THSD4: variants seen among roughly 807,000 people sequenced by gnomAD.
THSD4 encodes the protein thrombospondin type-1 domain-containing protein 4.
THSD4 carries 69 observed loss-of-function variants against 119.0 expected under a neutral mutation model. The observed-to-expected ratio is 0.58, with a 90% CI of 0.48 to 0.71. The LOEUF (loss-of-function observed/expected upper bound fraction) is 0.71, where lower values mean the gene tolerates loss of function less well. Among genes scored for constraint, THSD4 ranks in the 30% least tolerant of loss-of-function variants. The pLI, the probability that THSD4 is intolerant of heterozygous loss-of-function variation, is 0.00. For synonymous variants in THSD4, 524 were observed against 540.4 expected (o/e 0.97, Z 0.42); for missense variants, 1,393 against 1,391.1 (o/e 1.00, Z -0.02).
At chr15:71,253,133 C>T (rs1281969872) in intron 5 of THSD4, among the ~76,000 whole-genome samples, 2 of 152,202 alleles carry the variant, frequency 1.3e-5, no homozygotes, top group African/African-American at 4.8e-5. Context: ...CTGGCAACTG[C>T]AGGTGGATCT....
intron 7 of THSD4, among the ~76,000 whole-genome samples, chr15:71,544,271 G>T (rs2048803918): frequency 6.6e-6 from 1 of 152,190 alleles, no homozygotes; most frequent in Non-Finnish European, 1.5e-5. Context: ...ACCGCTGTGT[G>T]ACATGGAGCA....
At chr15:71,182,914 T>A (rs1011155166) in intron 3 of THSD4, among the ~76,000 whole-genome samples, 1 of 151,846 alleles carries the variant, frequency 6.6e-6, no homozygotes, top group Non-Finnish European at 1.5e-5. Context: ...ATTCTCTTTG[T>A]ATTTTTTTAT....
chr15:71,295,308 G>C (rs1191233454), intron 6 of THSD4, among the ~76,000 whole-genome samples: 1 of 152,162 alleles, frequency 6.6e-6, no homozygotes, highest in Non-Finnish European at 1.5e-5. Context: ...GGCCAAGTTT[G>C]AACCCAGGCC....
intron 7 of THSD4, among the ~76,000 whole-genome samples, chr15:71,545,257 CAG>C (rs2048819222): frequency 6.6e-6 from 1 of 152,146 alleles, no homozygotes; most frequent in African/African-American, 2.4e-5. Flanking sequence ...TTTTGTGACA[CAG>C]GGGCCATTGG....
intron 7 of THSD4, among the ~76,000 whole-genome samples, chr15:71,525,580 G>A (rs768721804): frequency 3.3e-5 from 5 of 152,154 alleles, no homozygotes; most frequent in Non-Finnish European, 5.9e-5. Context: ...AGAAATCTGC[G>A]CAAATGTTTT....
chr15:71,745,069 G>T lies in THSD4; in HGVS notation c.1907-37G>T, dbSNP rs547326908. 2.5e-6 allele frequency: 4 copies of T among 1,599,862 alleles called. No homozygotes were observed. In the Admixed American group the frequency reaches 6.7e-5, roughly 27 times the overall value. On this transcript the variant is annotated intron_variant, in intron 11 of 17. Transcript: ENST00000261862. ...CACCCATAGCCCAGCTTTCCAGTGT[G>T]TGGGACTGTCCTTCAGACATTCTCC...
intron 7 of THSD4, among the ~76,000 whole-genome samples, chr15:71,569,279 A>C (rs562031224): frequency 4.6e-5 from 7 of 152,280 alleles, no homozygotes; most frequent in African/African-American, 7.2e-5. Context: ...ATGTTAAGTC[A>C]GATGTCACTG....
chr15:71,535,994 C>T (rs1055754038), intron 7 of THSD4, among the ~76,000 whole-genome samples: 2 of 152,134 alleles, frequency 1.3e-5, no homozygotes, highest in Non-Finnish European at 2.9e-5. Context: ...ACCTATAAAA[C>T]CATCACCTAA....
intron 9 of THSD4, 138 bp downstream of exon 9, chr15:71,728,862 C>G (rs548651382): frequency 8.9e-7 from 1 of 1,122,340 alleles, no homozygotes; most frequent in Non-Finnish European, 1.3e-6. Flanking sequence ...TGGAGGCACT[C>G]CTTGAATGCT....
At chr15:71,704,426 G>T (rs1242645850) in intron 8 of THSD4, among the ~76,000 whole-genome samples, 1 of 152,112 alleles carries the variant, frequency 6.6e-6, no homozygotes, top group Non-Finnish European at 1.5e-5. Flanking sequence ...GAGATCTGAT[G>T]GTTTTATAAA....
At chr15:71,104,789 AAGG>A (rs1326345127) in intron 1 of THSD4, among the ~76,000 whole-genome samples, 1 of 152,190 alleles carries the variant, frequency 6.6e-6, no homozygotes, top group African/African-American at 2.4e-5. Context: ...CAATTGGTTA[AAGG>A]AGTAGAGCTT....
chr15:71,621,368 C>T (rs2050416040), intron 7 of THSD4, among the ~76,000 whole-genome samples: 1 of 152,088 alleles, frequency 6.6e-6, no homozygotes, highest in South Asian at 2.1e-4. Context: ...GGACAGTTGT[C>T]CCAGATGAGG....
chr15:71,540,368 C>T (rs931216883), intron 7 of THSD4, among the ~76,000 whole-genome samples: 3 of 150,396 alleles, frequency 2.0e-5, no homozygotes, highest in Non-Finnish European at 3.0e-5. Context: ...GAACTCCTGA[C>T]CTCATGATCC....
Position 71,780,944 on chromosome 15 carries a change from G to A in THSD4, c.*3570G>A, listed in dbSNP as rs1206175946. 2 of 359,510 alleles carry A rather than the reference G, an allele frequency of 5.6e-6. No homozygotes were observed. The highest frequency in any genetic ancestry group is 4.2e-5 in the South Asian group (2 of 47,992). 22.3% of individuals were successfully genotyped at this position (359,510 alleles called of 1,614,324 possible). A position where few individuals can be genotyped will look rare whatever the true frequency, so the allele number is the denominator to read the frequency against. On this transcript the variant is annotated 3_prime_UTR_variant, in exon 18 of 18. Transcript: ENST00000261862. ...ACCAGGACCTGTCTAAACAAATGTT[G>A]TGGGTTTTCTTTTCATTCGGATAGC...
Position 71,737,716 on chromosome 15 carries a change from C to T in THSD4, c.1631-16C>T, listed in dbSNP as rs1251238345. The T allele has an allele frequency of 1.3e-5, 21 of 1,587,956 alleles. No individual in the cohort carries two copies. The highest frequency in any genetic ancestry group is 1.7e-4 in the Middle Eastern group (1 of 5,930). ...AACTGATCCTGATTCTGTGTGTGCA[C>T]GCTCACCTCTCCTAGGGGAACCCTT... is the stretch of plus-strand genomic sequence containing the variant. On this transcript the variant is annotated splice_polypyrimidine_tract_variant and intron_variant, in intron 10 of 17. Transcript: ENST00000261862.
At chr15:71,442,660 G>GTGTGTGTGTATGTATATATATA in intron 7 of THSD4, among the ~76,000 whole-genome samples, 1 of 25,828 alleles carries the variant, frequency 3.9e-5, no homozygotes, top group Non-Finnish European at 9.2e-5. Flanking sequence ...GTGTGTGTGT[G>GTGTGTGTGTATGTATATATATA]TATATATATA....
chr15:71,453,013 C>G (rs1170155434), intron 7 of THSD4, among the ~76,000 whole-genome samples: 2 of 152,226 alleles, frequency 1.3e-5, no homozygotes, highest in African/African-American at 4.8e-5. Context: ...ATCTCTGTCT[C>G]TGCTCATAAC....
At chr15:71,423,998 T>C (rs2046839717) in intron 7 of THSD4, among the ~76,000 whole-genome samples, 1 of 152,044 alleles carries the variant, frequency 6.6e-6, no homozygotes, top group Non-Finnish European at 1.5e-5. Context: ...CACTGTGCTC[T>C]CCCTCCCAAA....
intron 7 of THSD4, among the ~76,000 whole-genome samples, chr15:71,453,692 A>G (rs1055608716): frequency 5.3e-5 from 8 of 152,232 alleles, no homozygotes; most frequent in Non-Finnish European, 7.3e-5. Flanking sequence ...GAGGTATTGT[A>G]TCCAGACACT....
Sources: allele counts gnomAD v4.1 joint callset (sites outside exome capture counted in the v4.1 genomes callset), GRCh38; gene constraint gnomAD v4.1.1; transcripts MANE v1.5; gene names NCBI Gene and HGNC (gene_info 2026-07-23, HGNC 2026-07-21).